Variants in RIC1 observed in about 807,000 individuals in gnomAD.
The protein encoded by RIC1 is guanine nucleotide exchange factor subunit RIC1.
RIC1 carries 88 observed loss-of-function variants against 169.0 expected under a neutral mutation model. That is an observed-to-expected ratio of 0.52 (90% CI 0.44 to 0.62). The LOEUF is 0.62. Ranked by LOEUF, RIC1 falls within the 20% of genes least tolerant of loss-of-function variation. RIC1 has a pLI of 0.00. For synonymous variants in RIC1, 790 were observed against 601.5 expected (o/e 1.31, Z -4.59); for missense variants, 1,877 against 1,725.5 (o/e 1.09, Z -1.56).
At position 5,743,707 on chromosome 9, in the gene RIC1, C is replaced by T. The variant is rs1478392833; in HGVS notation, c.1065C>T (p.Thr355=). 6.2e-7 allele frequency: 1 copy of T among 1,609,010 alleles called. No homozygotes were observed. Among genetic ancestry groups the T allele is most frequent in the Non-Finnish European group, 8.5e-7 (1 of 1,176,532 alleles). ...GGDFAYRSDG[T]KKDPLKINSM... ...GTTTCAGTTATAGGTCTGATGGCAC[C>T]AAAAAAGATCCCCTTAAGATCAACT... Residue 355 remains threonine (T), a synonymous_variant, in exon 10 of 26, where the codon ACC becomes ACT. Transcript: ENST00000414202.
chr9:5,658,787 G>C (rs1819265055), intron 2 of RIC1, among the ~76,000 whole-genome samples: 1 of 151,450 alleles, frequency 6.6e-6, no homozygotes, highest in African/African-American at 2.4e-5. Context: ...AGCTGTTATG[G>C]CTTGGGTAGT....
At chr9:5,632,578 C>T (rs929925545) in intron 1 of RIC1, among the ~76,000 whole-genome samples, 1 of 151,880 alleles carries the variant, frequency 6.6e-6, no homozygotes. Context: ...TTTTGGAGCC[C>T]CCCAAATGGT....
At chr9:5,655,591 G>A (rs148698685) in intron 1 of RIC1, among the ~76,000 whole-genome samples, 32 of 152,272 alleles carry the variant, frequency 2.1e-4, no homozygotes, top group African/African-American at 7.0e-4. Flanking sequence ...ATGAGCCGTG[G>A]CGCCCGGCCT....
At position 5,769,285 on chromosome 9, in the gene RIC1, A is replaced by G. The variant is rs369228918; in HGVS notation, c.3424+29A>G. ...ATGTAGACTTCATGTCACTTGTACAAGGAGAATTGTATTTTACTCCGTGTA... is the reference window on the plus strand; with the variant it reads ...ATGTAGACTTCATGTCACTTGTACAGGGAGAATTGTATTTTACTCCGTGTA... On this transcript the variant is annotated intron_variant, in intron 22 of 25. Transcript: ENST00000414202. The G allele has an allele frequency of 1.7e-4, 277 of 1,613,778 alleles. No individual in the cohort carries two copies. In the African/African-American group the frequency reaches 3.2e-3, roughly 18 times the overall value.
At chr9:5,715,255 A>G (rs1206029393) in intron 4 of RIC1, among the ~76,000 whole-genome samples, 1 of 152,238 alleles carries the variant, frequency 6.6e-6, no homozygotes, top group Non-Finnish European at 1.5e-5. Flanking sequence ...GTAGGTACCA[A>G]GAAAAGGTGG....
chr9:5,696,600 T>TA (rs146383630), intron 3 of RIC1, among the ~76,000 whole-genome samples: 20,219 of 151,578 alleles, frequency 0.13, 1,460 homozygotes, highest in East Asian at 0.24. Flanking sequence ...CCTTCTTACT[T>TA]AAAAAAAAAT....
intron 2 of RIC1, among the ~76,000 whole-genome samples, chr9:5,659,424 T>G (rs141082771): frequency 1.5e-4 from 23 of 152,288 alleles, no homozygotes; most frequent in Non-Finnish European, 2.1e-4. Context: ...AGTAAAAAAT[T>G]TAACAGCCCC....
intron 17 of RIC1, among the ~76,000 whole-genome samples, chr9:5,758,722 C>CTTTTTTTTTTTTTTTTTTTTTTCT (rs754931692): frequency 1.3e-4 from 13 of 98,430 alleles, no homozygotes; most frequent in Non-Finnish European, 1.3e-4. Flanking sequence ...GGTCTCCCTT[C>CTTTTTTTTTTTTTTTTTTTTTTCT]TTTTTTTTTT....
intron 2 of RIC1, among the ~76,000 whole-genome samples, chr9:5,675,336 G>A (rs1820378037): frequency 6.6e-6 from 1 of 152,134 alleles, no homozygotes; most frequent in Non-Finnish European, 1.5e-5. Context: ...GGTGGAGGAG[G>A]TAATCTAAAA....
chr9:5,715,928 G>A (rs1391006849), intron 4 of RIC1, among the ~76,000 whole-genome samples: 1 of 151,868 alleles, frequency 6.6e-6, no homozygotes, highest in Non-Finnish European at 1.5e-5. Context: ...GCTCACTGCA[G>A]CCTCAGCCTC....
At chr9:5,694,741 G>C (rs746143598) in intron 3 of RIC1, among the ~76,000 whole-genome samples, 14 of 151,496 alleles carry the variant, frequency 9.2e-5, no homozygotes, top group Non-Finnish European at 1.9e-4. Flanking sequence ...TGTCAGACTG[G>C]AGGCTGTCTC....
chr9:5,734,937 ATAAT>A (rs1265321063), intron 7 of RIC1, among the ~76,000 whole-genome samples: 6 of 152,342 alleles, frequency 3.9e-5, no homozygotes, highest in African/African-American at 1.2e-4. Flanking sequence ...ATCACATGAG[ATAAT>A]TAATGATAAA....
intron 15 of RIC1, among the ~76,000 whole-genome samples, chr9:5,755,537 A>G (rs1825956814): frequency 6.6e-6 from 1 of 152,200 alleles, no homozygotes; most frequent in African/African-American, 2.4e-5. Context: ...GATAACTGAA[A>G]CTGTGAAGAG....
intron 2 of RIC1, among the ~76,000 whole-genome samples, chr9:5,669,851 G>C (rs1245982054): frequency 2.0e-5 from 3 of 152,176 alleles, no homozygotes; most frequent in Admixed American, 2.0e-4. Flanking sequence ...AAAACAACAG[G>C]ATTCTTGCTG....
intron 3 of RIC1, chr9:5,713,267 C>T (rs1383637742): frequency 6.6e-6 from 1 of 152,176 alleles, no homozygotes; most frequent in African/African-American, 2.4e-5. Flanking sequence ...TACAAAACAA[C>T]CTGTAGTCCT....
chr9:5,732,181 A>G (rs1372779719), intron 6 of RIC1, among the ~76,000 whole-genome samples: 6 of 152,180 alleles, frequency 3.9e-5, no homozygotes, highest in Admixed American at 3.9e-4. Flanking sequence ...TATCAGACCA[A>G]TTCATGAGAA....
At chr9:5,685,696 C>T (rs1394431282) in intron 2 of RIC1, among the ~76,000 whole-genome samples, 4 of 150,914 alleles carry the variant, frequency 2.7e-5, no homozygotes, top group African/African-American at 9.7e-5. Context: ...TAGGCATTAC[C>T]ATTCAGGACA....
chr9:5,717,691 A>G (rs1823338027), intron 4 of RIC1, among the ~76,000 whole-genome samples: 1 of 151,956 alleles, frequency 6.6e-6, no homozygotes. Flanking sequence ...CCACAAACAG[A>G]AAAATTAGCT....
chr9:5,677,493 T>G (rs1820522573), intron 2 of RIC1, among the ~76,000 whole-genome samples: 1 of 152,194 alleles, frequency 6.6e-6, no homozygotes, highest in African/African-American at 2.4e-5. Flanking sequence ...AAAAATCAGT[T>G]GTCTACATAT....
Sources: allele counts gnomAD v4.1 joint callset (sites outside exome capture counted in the v4.1 genomes callset), GRCh38; gene constraint gnomAD v4.1.1; transcripts MANE v1.5; gene names NCBI Gene and HGNC (gene_info 2026-07-23, HGNC 2026-07-21).